The following SQSTM1 variants were observed in gnomAD, a reference collection of about 807,000 sequenced individuals.
The protein encoded by SQSTM1 is sequestosome-1.
In SQSTM1, 36 loss-of-function variants were observed where a neutral mutation model predicts 45.1. The observed-to-expected ratio is 0.80, with a 90% CI of 0.61 to 1.05. SQSTM1 has a LOEUF of 1.05. Among genes scored for constraint, SQSTM1 ranks in the 50% least tolerant of loss-of-function variants. SQSTM1 has a pLI of 0.00. For synonymous variants in SQSTM1, 290 were observed against 244.3 expected, an observed-to-expected ratio of 1.19 and a Z score of -1.74; for missense variants, 617 against 607.1, an observed-to-expected ratio of 1.02 and a Z score of -0.17.
chr5:179,822,568 C>T, intron 1 of SQSTM1: 1 of 331,088 alleles, frequency 3.0e-6, no homozygotes, highest in South Asian at 2.5e-5. Context: ...TGGGGCTGGG[C>T]CCCTCAGGAG....
At chr5:179,821,487 G>T in intron 1 of SQSTM1, 8 of 534,762 alleles carry the variant, frequency 1.5e-5, no homozygotes, top group Non-Finnish European at 1.1e-5. Context: ...GAACGCTCTG[G>T]CTCTCCGCGG....
upstream of SQSTM1, among the ~76,000 whole-genome samples, chr5:179,817,862 A>C (rs920098028): frequency 2.0e-5 from 3 of 152,040 alleles, no homozygotes; most frequent in African/African-American, 7.2e-5. Context: ...TACAAAAATT[A>C]GCAAGGCTTG....
In SQSTM1 at chr5:179,821,040, C is replaced by CCGAGGCTGCGGCGGGTCCG. The variant is rs1064794783; in HGVS notation, c.105_123dup (p.Gly42ArgfsTer35). 1 of 1,550,102 alleles carries CCGAGGCTGCGGCGGGTCCG rather than the reference C, an allele frequency of 6.5e-7. No individual in the cohort carries two copies. The highest frequency in any genetic ancestry group is 8.6e-7 in the Non-Finnish European group (1 of 1,157,594). Reference sequence around the variant, plus strand: ...TGCAGCCCCGAGCCTGAGGCGGAAGCCGAGGCTGCGGCGGGTCCGGGACCC... The same window carrying CCGAGGCTGCGGCGGGTCCG: ...TGCAGCCCCGAGCCTGAGGCGGAAGCCGAGGCTGCGGCGGGTCCGCGAGGCTGCGGCGGGTCCGGGACCC... On this transcript the variant is annotated frameshift_variant, in exon 1 of 8. Coordinates refer to ENST00000389805, the MANE Select transcript of SQSTM1 (RefSeq NM_003900.5). LOFTEE classifies it high-confidence loss of function.
chr5:179,808,807 T>G (rs762459336), intron 1 of SQSTM1, among the ~76,000 whole-genome samples: 1 of 151,918 alleles, frequency 6.6e-6, no homozygotes, highest in Non-Finnish European at 1.5e-5. Flanking sequence ...TTAAAACAAA[T>G]TTTTTTGGAT....
rs1757178727 is a variant in SQSTM1 at position 179,806,710 on chromosome 5, GC to G, written c.-157+120del. On this transcript the variant is annotated intron_variant, in intron 1 of 5. Transcript: ENST00000514093. The surrounding 1 kb of genome is among the most constrained non-coding windows in gnomAD (Gnocchi z 4.6). ...GGCCCCGGCCCCGGGTCGGGGAGGG[GC>G]GGGGGGCCCGGGGCCGGGCGGGGAC... 5.0e-6 allele frequency: 1 copy of G among 200,552 alleles called. No homozygotes were observed. The highest frequency in any genetic ancestry group is 1.5e-4 in the South Asian group (1 of 6,546). 12.4% of individuals were successfully genotyped at this position (200,552 alleles called of 1,614,324 possible). A position where few individuals can be genotyped will look rare whatever the true frequency, so the allele number is the denominator to read the frequency against.
At chr5:179,834,977 C>T (rs1414419069) in intron 7 of SQSTM1, among the ~76,000 whole-genome samples, 6 of 151,684 alleles carry the variant, frequency 4.0e-5, no homozygotes, top group African/African-American at 1.2e-4. Flanking sequence ...CCAGTAGGGG[C>T]GGCCGGGCAG....
intron 5 of SQSTM1, among the ~76,000 whole-genome samples, chr5:179,828,270 C>T (rs951557868): frequency 1.2e-4 from 18 of 151,812 alleles, no homozygotes; most frequent in African/African-American, 4.1e-4. Context: ...TGCTTACAGG[C>T]GAGTCTCATT....
chr5:179,833,239 GC>G lies in SQSTM1; in HGVS notation c.965del (p.Pro322LeufsTer56). The G allele has an allele frequency of 6.3e-7, 1 of 1,579,788 alleles. No individual in the cohort carries two copies. The highest frequency in any genetic ancestry group is 8.6e-7 in the Non-Finnish European group (1 of 1,166,648). ...AAGATCGCCTTGGAGTCCGAGGGGC[GC>G]CCTGAGGCAAGCCTGTGCCCCTCCC... The part of the protein sequence containing the change: ...MRKIALESEG[R>X]PEEQMESDNC... On this transcript the variant is annotated frameshift_variant, in exon 6 of 8. Coordinates refer to ENST00000389805, the MANE Select transcript of SQSTM1 (RefSeq NM_003900.5). LOFTEE classifies it high-confidence loss of function.
chr5:179,807,040 C>G (rs1581985902), intron 1 of SQSTM1: 1 of 150,182 alleles, frequency 6.7e-6, no homozygotes, highest in Admixed American at 6.6e-5. Flanking sequence ...TCGCCGGCGC[C>G]GCGAGGGGGT....
chr5:179,811,943 T>TA (rs1372107320), intron 2 of SQSTM1: 1 of 152,156 alleles, frequency 6.6e-6, no homozygotes, highest in Non-Finnish European at 1.5e-5. Context: ...TAGCTGGGAC[T>TA]ACAGGCGCCC....
intron 1 of SQSTM1, chr5:179,822,650 C>T (rs1346280738): frequency 7.5e-6 from 3 of 397,644 alleles, no homozygotes; most frequent in South Asian, 6.2e-5. Context: ...TGAGGTGGCA[C>T]GTTTCTGAAA....
chr5:179,825,371 C>T, intron 5 of SQSTM1, 145 bp downstream of exon 5: 1 of 764,464 alleles, frequency 1.3e-6, no homozygotes, highest in South Asian at 1.4e-5. Context: ...TTTAGTAGTG[C>T]TGGACCACGG....
intron 5 of SQSTM1, among the ~76,000 whole-genome samples, chr5:179,830,845 T>TGTGCCCAGCCCC (rs1048986524): frequency 2.6e-5 from 4 of 152,156 alleles, no homozygotes; most frequent in African/African-American, 9.7e-5. Flanking sequence ...CATGAGCCAC[T>TGTGCCCAGCCCC]GTGCCCAGCC....
intron 7 of SQSTM1, 173 bp from the exon 8 acceptor site, chr5:179,836,263 C>T: frequency 1.2e-6 from 1 of 823,370 alleles, no homozygotes; most frequent in Non-Finnish European, 2.0e-6. Flanking sequence ...AAAAAGACTG[C>T]TTGGCCCTTT....
rs1257081308 is a variant in SQSTM1, at chr5:179,823,053, G to A, written c.301G>A (p.Glu101Lys). The A allele has an allele frequency of 1.2e-6, 2 of 1,613,772 alleles. No homozygotes were observed. Among genetic ancestry groups the A allele is most frequent in the African/African-American group, 1.3e-5 (1 of 74,912 alleles). ...TGACATCTTCCGAATCTACATTAAAGGTAAGGGGCTGCTCTGGGGGCTGCC... is the reference window on the plus strand; with the variant it reads ...TGACATCTTCCGAATCTACATTAAAAGTAAGGGGCTGCTCTGGGGGCTGCC... ...KDDIFRIYIK[E>K]KKECRRDHRP... is the part of the protein sequence containing the mutation. The change falls in exon 2 of 8, where the codon GAG becomes AAG. Residue 101 changes from glutamate to lysine, a missense_variant and splice_region_variant. By Grantham distance (56) the Glu-to-Lys change is moderately conservative. Transcript: ENST00000389805.
chr5:179,837,987 C>T lies in SQSTM1; in HGVS notation c.*1394C>T, dbSNP rs182968597. 3.4e-4 allele frequency: 383 copies of T among 1,129,872 alleles called. 1 individual carries two copies. The African/African-American group carries it at 5.3e-3, about 16-fold the overall frequency. 70.0% of individuals were successfully genotyped at this position (1,129,872 alleles called of 1,614,324 possible). A position where few individuals can be genotyped will look rare whatever the true frequency, so the allele number is the denominator to read the frequency against. ...GCCTTGGCTGGGCCTCTGGTTCTGA[C>T]ACTTTCTGCTGGAAGCTGTCAGGCT... is the stretch of plus-strand genomic sequence containing the variant. On this transcript the variant is annotated 3_prime_UTR_variant, in exon 8 of 8. Coordinates refer to ENST00000389805, the MANE Select transcript of SQSTM1 (RefSeq NM_003900.5).
chr5:179,823,885 G>A lies in SQSTM1; in HGVS notation c.329G>A (p.Arg110His), dbSNP rs1267306593. The change falls in exon 3 of 8, where the codon CGC becomes CAC. Residue 110 changes from arginine (R) to histidine (H), a missense_variant. Transcript: ENST00000389805. The part of the protein sequence containing the change: ...KEKKECRRDH[R>H]PPCAQEAPRN... The stretch of plus-strand genomic sequence containing the variant: ...AAAAAAGAGTGCCGGCGGGACCACC[G>A]CCCACCGTGTGCTCAGGAGGCGCCC... 17 of 1,612,740 alleles carry A rather than the reference G, an allele frequency of 1.1e-5. No individual in the cohort carries two copies. The highest frequency in any genetic ancestry group is 1.3e-5 in the Non-Finnish European group (15 of 1,180,008).
chr5:179,810,478 G>T (rs901809247), intron 1 of SQSTM1, among the ~76,000 whole-genome samples: 17 of 152,170 alleles, frequency 1.1e-4, no homozygotes, highest in African/African-American at 3.9e-4. Flanking sequence ...GTATTCCATG[G>T]TGTATATGTG....
chr5:179,819,613 T>C (rs959814967), upstream of SQSTM1, among the ~76,000 whole-genome samples: 5 of 152,334 alleles, frequency 3.3e-5, no homozygotes, highest in East Asian at 9.7e-4. Flanking sequence ...AGCACCTGTC[T>C]GTAGGCCACA....
Sources: allele counts gnomAD v4.1 joint callset (sites outside exome capture counted in the v4.1 genomes callset), GRCh38; gene constraint gnomAD v4.1.1; non-coding constraint Gnocchi (gnomAD v3.1); transcripts MANE v1.5; gene names NCBI Gene and HGNC (gene_info 2026-07-23, HGNC 2026-07-21).